DHX34: variants seen among roughly 807,000 people sequenced by gnomAD.
DHX34 encodes probable ATP-dependent RNA helicase DHX34.
DHX34 carries 96 observed loss-of-function variants against 111.1 expected under a neutral mutation model. The ratio of observed to expected loss-of-function variants is 0.86; its 90% CI spans 0.73 to 1.02. The LOEUF is 1.02. Among genes scored for constraint, DHX34 ranks in the 50% least tolerant of loss-of-function variants. The probability of loss-of-function intolerance (pLI) is 0.00; values close to 1 mark genes in which losing one functional copy is unlikely to be tolerated. For synonymous variants in DHX34, 688 were observed against 670.4 expected, an observed-to-expected ratio of 1.03 and a Z score of -0.41; for missense variants, 1,560 against 1,579.9, an observed-to-expected ratio of 0.99 and a Z score of 0.21.
chr19:47,376,577 C>G lies in DHX34; in HGVS notation c.2599+17C>G. On this transcript the variant is annotated intron_variant, in intron 12 of 16. Transcript: ENST00000328771. ...GAAGCCGAGGTACAGTGAGCCCAGG[C>G]GGAAGGAACCCCCATCCGGGATGTG... is the stretch of plus-strand genomic sequence containing the variant. 1.3e-6 allele frequency: 2 copies of G among 1,549,500 alleles called. No homozygotes were observed. The highest frequency in any genetic ancestry group is 1.7e-6 in the Non-Finnish European group (2 of 1,147,202).
intron 1 of DHX34, among the ~76,000 whole-genome samples, chr19:47,351,792 T>G (rs1029663543): frequency 4.6e-5 from 7 of 152,178 alleles, no homozygotes; most frequent in African/African-American, 1.4e-4. Flanking sequence ...AGTAGACTAC[T>G]AAGACTGGCC....
At chr19:47,374,923 C>T (rs1257309907) in intron 9 of DHX34, among the ~76,000 whole-genome samples, 2 of 152,176 alleles carry the variant, frequency 1.3e-5, no homozygotes, top group East Asian at 3.8e-4. Context: ...CAAATTGGGT[C>T]ACTTGAGGAA....
chr19:47,368,697 T>TAC (rs1568401483), intron 7 of DHX34, among the ~76,000 whole-genome samples: 2 of 149,738 alleles, frequency 1.3e-5, no homozygotes, highest in Admixed American at 6.7e-5. Context: ...CACATATATA[T>TAC]ACACACACAT....
chr19:47,357,836 G>T (rs759176669), intron 3 of DHX34, 30 bp from the exon 4 acceptor site: 3 of 1,598,928 alleles, frequency 1.9e-6, no homozygotes, highest in Non-Finnish European at 1.7e-6. Flanking sequence ...GGGACAGGGT[G>T]TGCTTCTACC....
At position 47,380,810 on chromosome 19, in the gene DHX34, CCTTA is replaced by C. The variant is rs1419945711; in HGVS notation, c.2983-5_2983-2del. On this transcript the variant is annotated splice_acceptor_variant and splice_polypyrimidine_tract_variant and intron_variant, in intron 14 of 16. Transcript: ENST00000328771. LOFTEE classifies it high-confidence loss of function. ...CTCTCTCCATTTCCTGTCTCTCCTT[CCTTA>C]GATTCCTTACAGCCTCCGGCGGCTC... is the stretch of plus-strand genomic sequence containing the variant. 6.2e-7 allele frequency: 1 copy of C among 1,613,804 alleles called. No homozygotes were observed. The highest frequency in any genetic ancestry group is 8.5e-7 in the Non-Finnish European group (1 of 1,179,824).
Position 47,358,123 on chromosome 19 carries a change from A to G in DHX34, c.1272+3A>G, listed in dbSNP as rs752445197. ...TGTCTGTGGCCGACCAGGACAAGGT[A>G]TCACAGGAAGCCCGAGTGGGGCAGG... On this transcript the variant is annotated splice_donor_region_variant and intron_variant, in intron 4 of 16. Coordinates refer to ENST00000328771, the MANE Select transcript of DHX34 (RefSeq NM_014681.6). The G allele has an allele frequency of 3.7e-6, 6 of 1,601,082 alleles. No individual in the cohort carries two copies. The highest frequency in any genetic ancestry group is 1.1e-5 in the South Asian group (1 of 90,880).
rs977819314 is a variant in DHX34, at chr19:47,377,220, C to T, written c.2706+14C>T. ...CCTGCCCTCCAGGTGGGCCTCTGCC[C>T]CACCCCGCCCCCATGCCCAGATATG... On this transcript the variant is annotated intron_variant, in intron 13 of 16. Coordinates refer to ENST00000328771, the MANE Select transcript of DHX34 (RefSeq NM_014681.6). 1.2e-6 allele frequency: 2 copies of T among 1,606,238 alleles called. No individual in the cohort carries two copies. The highest frequency in any genetic ancestry group is 1.7e-6 in the Non-Finnish European group (2 of 1,176,384).
chr19:47,359,653 G>A (rs1599757702), intron 4 of DHX34, among the ~76,000 whole-genome samples: 2 of 152,120 alleles, frequency 1.3e-5, no homozygotes, highest in South Asian at 4.1e-4. Context: ...ATGGTGGCGG[G>A]CACCTGTAAT....
chr19:47,373,614 A>T lies in DHX34; in HGVS notation c.1978A>T (p.Ser660Cys). 6.2e-7 allele frequency: 1 copy of T among 1,613,794 alleles called. No individual in the cohort carries two copies. ...CTCCACCCAGGTGAAATCTGAACGG[A>T]GCAGAAACTCTCGCAAGTGGTGCCG... ...NAWVQVKSERSRNSRKWCRRR... is the reference protein window; with the variant it reads ...NAWVQVKSERCRNSRKWCRRR... Residue 660 changes from serine (S) to cysteine (C), a missense_variant, in exon 9 of 17, where the codon AGC becomes TGC. By Grantham distance (112) the Ser-to-Cys change is moderately radical (BLOSUM62 -1). Transcript: ENST00000328771.
At chr19:47,368,479 T>C (rs1969863442) in intron 7 of DHX34, among the ~76,000 whole-genome samples, 2 of 149,654 alleles carry the variant, frequency 1.3e-5, no homozygotes, top group South Asian at 4.3e-4. Flanking sequence ...GCTAATTTTG[T>C]ATTTTTAGTA....
At chr19:47,369,167 C>T (rs1284803879) in intron 7 of DHX34, among the ~76,000 whole-genome samples, 6 of 152,128 alleles carry the variant, frequency 3.9e-5, no homozygotes, top group South Asian at 2.1e-4. Context: ...CTTGAGCCAC[C>T]GTGCCCGGCC....
rs551181382 is a variant in DHX34 at position 47,366,267 on chromosome 19, A to AATTTT, written c.1594-688_1594-684dup. 5.6e-3 allele frequency among the ~76,000 whole-genome samples: 857 copies of AATTTT among 152,006 alleles called. 9 individuals carry two copies. The highest frequency in any genetic ancestry group is 0.015 in the South Asian group (70 of 4,808). ...CTGCACAGTGGATCTTGACATTGGG[A>AATTTT]ATTTTATTTTATTTTATTTTATTTT... On this transcript the variant is annotated intron_variant, in intron 6 of 16. Coordinates refer to ENST00000328771, the MANE Select transcript of DHX34 (RefSeq NM_014681.6).
chr19:47,369,061 A>T (rs1969889490), intron 7 of DHX34, among the ~76,000 whole-genome samples: 1 of 152,164 alleles, frequency 6.6e-6, no homozygotes, highest in African/African-American at 2.4e-5. Flanking sequence ...TATTTTTAGT[A>T]GAGACGGGGT....
intron 10 of DHX34, 47 bp from the exon 11 acceptor site, chr19:47,375,877 G>T (rs756542721): frequency 5.8e-6 from 9 of 1,547,458 alleles, no homozygotes; most frequent in Non-Finnish European, 5.2e-6. Flanking sequence ...ATCATGGTAG[G>T]AGCCCCTCAG....
chr19:47,373,041 C>A (rs146678435), intron 8 of DHX34, 118 bp downstream of exon 8: 2 of 1,320,322 alleles, frequency 1.5e-6, no homozygotes, highest in Non-Finnish European at 2.0e-6. Flanking sequence ...CCACTGAGCC[C>A]CCCACAGACT....
Position 47,357,994 on chromosome 19 carries a change from C to G in DHX34, c.1146C>G (p.Leu382=). ...CGCCTGAGGAGCGGGGTGACCTCCT[C>G]GTCTTCCTCAGCGGCATGGCGGAGA... ...KYPPEERGDL[L]VFLSGMAEIS... is the part of the protein sequence containing the mutation. Residue 382 remains leucine, a synonymous_variant, in exon 4 of 17, where the codon CTC becomes CTG. Transcript: ENST00000328771. 6.2e-7 allele frequency: 1 copy of G among 1,613,918 alleles called. No homozygotes were observed. The highest frequency in any genetic ancestry group is 1.1e-5 in the South Asian group (1 of 91,090).
intron 7 of DHX34, among the ~76,000 whole-genome samples, chr19:47,368,837 C>A (rs1969883650): frequency 6.6e-6 from 1 of 151,696 alleles, no homozygotes; most frequent in African/African-American, 2.4e-5. Flanking sequence ...CCTCAGCCTC[C>A]TGAGTAGCTG....
Position 47,372,719 on chromosome 19 carries a change from C to G in DHX34, c.1769-11C>G. 6.4e-7 allele frequency: 1 copy of G among 1,569,868 alleles called. No homozygotes were observed. Among genetic ancestry groups the G allele is most frequent in the Non-Finnish European group, 8.7e-7 (1 of 1,155,422 alleles). Reference sequence around the variant, plus strand: ...CACCCAGGAGCCTCAACCCCGTGTCCGCCGCTGCAGGGAAGATGCTGATCC... The same window carrying G: ...CACCCAGGAGCCTCAACCCCGTGTCGGCCGCTGCAGGGAAGATGCTGATCC... On this transcript the variant is annotated splice_polypyrimidine_tract_variant and intron_variant, in intron 7 of 16. Transcript: ENST00000328771.
In DHX34 at chr19:47,366,998, G is replaced by A; in HGVS notation, c.1611G>A (p.Val537=). The A allele has an allele frequency of 6.4e-7, 1 of 1,555,622 alleles. No homozygotes were observed. The highest frequency in any genetic ancestry group is 8.7e-7 in the Non-Finnish European group (1 of 1,154,266). The part of the protein sequence containing the change: ...SLVLQMKSMS[V]GDPRTFPFIE... ...CATTCTAGATGAAGAGCATGAGTGT[G>A]GGGGACCCCCGAACCTTCCCCTTCA... is the stretch of plus-strand genomic sequence containing the variant. The change falls in exon 7 of 17, where the codon GTG becomes GTA. Residue 537 remains valine (V), a synonymous_variant. Coordinates refer to ENST00000328771, the MANE Select transcript of DHX34 (RefSeq NM_014681.6).
Sources: gnomAD v4.1 joint callset for allele counts (sites outside exome capture counted in the v4.1 genomes callset) on GRCh38, gnomAD v4.1.1 for gene constraint, MANE v1.5 for transcripts, NCBI Gene and HGNC (gene_info 2026-07-23, HGNC 2026-07-21) for gene names.